The following ACTR3 variants were observed in gnomAD, a reference collection of about 807,000 sequenced individuals.
The protein encoded by ACTR3 is actin related protein 3, also known as actin-related protein 3.
ACTR3 carries 12 observed loss-of-function variants against 56.8 expected under a neutral mutation model. The ratio of observed to expected loss-of-function variants is 0.21; its 90% CI spans 0.14 to 0.34. ACTR3 has a LOEUF of 0.34. ACTR3 is among the 10% of genes least tolerant of loss of function. The pLI is 1.00. For missense variants in ACTR3, 282 were observed against 512.5 expected (o/e 0.55, Z 4.34); for synonymous variants, 162 against 167.4 (o/e 0.97, Z 0.25).
Position 113,957,462 on chromosome 2 carries a change from C to T in ACTR3, c.*7C>T. ...GTTTGGAGTCATGTCGTAAAATTGG[C>T]TTCATAGTTATTGGGGTTAGGGAGG... is the stretch of plus-strand genomic sequence containing the variant. On this transcript the variant is annotated 3_prime_UTR_variant, in exon 12 of 12. Transcript: ENST00000263238. The T allele has an allele frequency of 6.2e-7, 1 of 1,609,606 alleles. No homozygotes were observed. The highest frequency in any genetic ancestry group is 8.5e-7 in the Non-Finnish European group (1 of 1,176,422).
intron 6 of ACTR3, among the ~76,000 whole-genome samples, chr2:113,937,172 C>A (rs770143549): frequency 2.6e-5 from 4 of 152,166 alleles, no homozygotes. Flanking sequence ...GGTGCGATCT[C>A]AGCTCGCTTC....
At chr2:113,904,998 A>C (rs2104586345) in intron 1 of ACTR3, 1 of 151,432 alleles carries the variant, frequency 6.6e-6, no homozygotes, top group Non-Finnish European at 1.5e-5. Flanking sequence ...TCTGTTACTC[A>C]TTTTTCTTTT....
chr2:113,923,800 C>G (rs1326147661), intron 3 of ACTR3, among the ~76,000 whole-genome samples: 2 of 149,198 alleles, frequency 1.3e-5, no homozygotes, highest in East Asian at 3.9e-4. Flanking sequence ...TAAAGACTTT[C>G]TCTAGGTGAT....
intron 1 of ACTR3, among the ~76,000 whole-genome samples, chr2:113,898,292 G>A (rs1679044597): frequency 1.3e-5 from 2 of 152,004 alleles, no homozygotes; most frequent in African/African-American, 4.8e-5. Context: ...AATGCCTAAT[G>A]ACTCACACAG....
chr2:113,951,295 T>C, intron 8 of ACTR3, 184 bp from the exon 9 acceptor site: 4 of 514,500 alleles, frequency 7.8e-6, no homozygotes, highest in Non-Finnish European at 1.4e-5. Context: ...TATAAAATGG[T>C]ATATATCATC....
intron 1 of ACTR3, among the ~76,000 whole-genome samples, chr2:113,900,243 T>A (rs1679075366): frequency 6.6e-6 from 1 of 152,140 alleles, no homozygotes. Flanking sequence ...TTAGAACATT[T>A]TCATGACCCC....
At chr2:113,933,988 T>C (rs1679774627) in intron 5 of ACTR3, 1 of 326,072 alleles carries the variant, frequency 3.1e-6, no homozygotes, top group Admixed American at 5.2e-5. Context: ...TAATGCAATC[T>C]TCCACATTTT....
At chr2:113,945,204 G>C (rs1679993800) in intron 8 of ACTR3, among the ~76,000 whole-genome samples, 1 of 152,176 alleles carries the variant, frequency 6.6e-6, no homozygotes, top group Non-Finnish European at 1.5e-5. Flanking sequence ...AAAACATAAA[G>C]ATTAAGAGGA....
chr2:113,915,644 T>C (rs1421551306), intron 2 of ACTR3, among the ~76,000 whole-genome samples: 1 of 152,230 alleles, frequency 6.6e-6, no homozygotes, highest in Non-Finnish European at 1.5e-5. Context: ...TGGTTTTGGT[T>C]ATATTCGTAA....
chr2:113,901,095 G>A (rs1679090909), intron 1 of ACTR3, among the ~76,000 whole-genome samples: 1 of 152,250 alleles, frequency 6.6e-6, no homozygotes, highest in African/African-American at 2.4e-5. Flanking sequence ...CGAGGCCGCA[G>A]ATCACCTGAG....
rs182860259 is a variant in ACTR3 at position 113,903,442 on chromosome 2, C to T, written c.45-9730C>T. Among the ~76,000 whole-genome samples the T allele has an allele frequency of 1.6e-4, 24 of 152,224 alleles. No homozygotes were observed. The East Asian group carries it at 4.6e-3, about 29-fold the overall frequency. On this transcript the variant is annotated intron_variant, in intron 1 of 11. Transcript: ENST00000263238. ...AGTGCAGTGGCGCAGCCTTGGCCCACTGCAACCTCTGTCTCCCAGGTTCAG... is the reference window on the plus strand; with the variant it reads ...AGTGCAGTGGCGCAGCCTTGGCCCATTGCAACCTCTGTCTCCCAGGTTCAG...
intron 11 of ACTR3, among the ~76,000 whole-genome samples, chr2:113,956,642 A>G (rs1039100246): frequency 6.6e-6 from 1 of 152,196 alleles, no homozygotes; most frequent in Non-Finnish European, 1.5e-5. Context: ...CCCCCTAAAA[A>G]GGTGTTCTAG....
At chr2:113,914,168 A>G (rs1222729219) in intron 2 of ACTR3, among the ~76,000 whole-genome samples, 2 of 149,624 alleles carry the variant, frequency 1.3e-5, no homozygotes, top group Non-Finnish European at 2.9e-5. Context: ...AAAGCAGTGT[A>G]TGTTTCAGAA....
At chr2:113,931,269 T>A in intron 4 of ACTR3, 32 bp from the exon 5 acceptor site, 1 of 1,262,080 alleles carries the variant, frequency 7.9e-7, no homozygotes, top group Non-Finnish European at 1.1e-6. Context: ...TAATCTGATA[T>A]TATCTATTTA....
chr2:113,890,683 T>G, intron 1 of ACTR3: 1 of 1,139,540 alleles, frequency 8.8e-7, no homozygotes. Context: ...GGCTTTCCTT[T>G]CCCTCCGCGC....
chr2:113,892,825 G>A (rs924572444), intron 1 of ACTR3, among the ~76,000 whole-genome samples: 3 of 152,078 alleles, frequency 2.0e-5, no homozygotes, highest in Non-Finnish European at 4.4e-5. Context: ...GGGGAAAGGT[G>A]GCTGAAAAAA....
intron 1 of ACTR3, among the ~76,000 whole-genome samples, chr2:113,902,709 C>T (rs11678413): frequency 0.082 from 12,526 of 152,016 alleles, 569 homozygotes; most frequent in East Asian, 0.18. Context: ...AAGTGATTCT[C>T]CTGCCTCAGC....
chr2:113,891,818 A>G (rs1365690611), intron 1 of ACTR3, among the ~76,000 whole-genome samples: 3 of 152,034 alleles, frequency 2.0e-5, no homozygotes, highest in Non-Finnish European at 2.9e-5. Flanking sequence ...TGGAACTTCT[A>G]TGTATTTTTT....
chr2:113,889,939 G>T (rs978925042), upstream of ACTR3: 2 of 539,668 alleles, frequency 3.7e-6, no homozygotes, highest in Non-Finnish European at 6.5e-6. Context: ...TGGCCTGGCC[G>T]GGGCGTCGGC....
Sources: allele counts gnomAD v4.1 joint callset (sites outside exome capture counted in the v4.1 genomes callset), GRCh38; gene constraint gnomAD v4.1.1; transcripts MANE v1.5; gene names NCBI Gene and HGNC (gene_info 2026-07-23, HGNC 2026-07-21).